CAMK1D: variants seen among roughly 807,000 people sequenced by gnomAD.
The protein encoded by CAMK1D is calcium/calmodulin-dependent protein kinase type 1D.
CAMK1D carries 9 observed loss-of-function variants against 47.7 expected under a neutral mutation model. The ratio of observed to expected loss-of-function variants is 0.19; its 90% CI spans 0.11 to 0.33. CAMK1D has a LOEUF of 0.33. Among genes scored for constraint, CAMK1D ranks in the 10% least tolerant of loss-of-function variants. The pLI, the probability that CAMK1D is intolerant of heterozygous loss-of-function variation, is 1.00. For synonymous variants in CAMK1D, 184 were observed against 184.9 expected (o/e 0.99, Z 0.04); for missense variants, 291 against 488.7 (o/e 0.60, Z 3.81).
chr10:12,382,303 A>G (rs1042638786), intron 1 of CAMK1D, among the ~76,000 whole-genome samples: 4 of 152,012 alleles, frequency 2.6e-5, no homozygotes, highest in Admixed American at 2.6e-4. Flanking sequence ...GACACCTTTT[A>G]TCTGTGTCAT....
At chr10:12,349,973 C>G in intron 1 of CAMK1D, 63 bp downstream of exon 1, 2 of 860,554 alleles carry the variant, frequency 2.3e-6, no homozygotes, top group Non-Finnish European at 3.3e-6. Flanking sequence ...CGGGCAGCTC[C>G]AGCTGCCGCC....
At chr10:12,516,549 G>C (rs1172013000) in intron 1 of CAMK1D, among the ~76,000 whole-genome samples, 2 of 152,198 alleles carry the variant, frequency 1.3e-5, no homozygotes, top group African/African-American at 4.8e-5. Flanking sequence ...ATTGAACCTT[G>C]TCAGAAATTG....
At chr10:12,505,305 GTT>G (rs1347784277) in intron 1 of CAMK1D, among the ~76,000 whole-genome samples, 1 of 152,218 alleles carries the variant, frequency 6.6e-6, no homozygotes, top group Non-Finnish European at 1.5e-5. Context: ...AGAGGAGCTT[GTT>G]GACCTCTTTT....
At chr10:12,712,061 A>G (rs192463557) in intron 3 of CAMK1D, among the ~76,000 whole-genome samples, 202 of 152,292 alleles carry the variant, frequency 1.3e-3, no homozygotes, top group Non-Finnish European at 2.2e-3. Context: ...TTGTTGATTG[A>G]TGCTTTTGAG....
chr10:12,390,133 T>G (rs1037680836), intron 1 of CAMK1D, among the ~76,000 whole-genome samples: 2 of 152,164 alleles, frequency 1.3e-5, no homozygotes, highest in Admixed American at 6.5e-5. Flanking sequence ...ATAAAGCGCT[T>G]GTACTGCACG....
At position 12,434,773 on chromosome 10, in the gene CAMK1D, C is replaced by G. The variant is rs769919696; in HGVS notation, c.92+84863C>G. Among the ~76,000 whole-genome samples the G allele has an allele frequency of 2.6e-5, 4 of 152,246 alleles. No individual in the cohort carries two copies. The East Asian group carries it at 7.7e-4, about 29-fold the overall frequency. ...ATGCTTCCCAATGCTGAGTGGTAGC[C>G]CGGTCACCTTGATCGCCTTCAGTCT... On this transcript the variant is annotated intron_variant, in intron 1 of 10. Coordinates refer to ENST00000619168, the MANE Select transcript of CAMK1D (RefSeq NM_153498.4).
At chr10:12,697,544 G>A (rs1398584176) in intron 3 of CAMK1D, among the ~76,000 whole-genome samples, 2 of 152,132 alleles carry the variant, frequency 1.3e-5, no homozygotes, top group Non-Finnish European at 2.9e-5. Context: ...GATTACAGGT[G>A]CCCACCGTCA....
chr10:12,462,391 C>G (rs988452455), intron 1 of CAMK1D, among the ~76,000 whole-genome samples: 8 of 151,754 alleles, frequency 5.3e-5, no homozygotes, highest in African/African-American at 1.9e-4. Flanking sequence ...GTCTCCATCT[C>G]TTGACCTTGT....
chr10:12,458,856 C>CTCCT (rs1214894951), intron 1 of CAMK1D, among the ~76,000 whole-genome samples: 9 of 149,102 alleles, frequency 6.0e-5, no homozygotes, highest in Admixed American at 1.4e-4. Context: ...TTCTTTCTTT[C>CTCCT]TCCTTCCTTC....
intron 6 of CAMK1D, among the ~76,000 whole-genome samples, chr10:12,806,788 C>T (rs972225469): frequency 6.6e-6 from 1 of 152,202 alleles, no homozygotes; most frequent in Non-Finnish European, 1.5e-5. Flanking sequence ...GCTGTTCTTA[C>T]CCAGCCAGCC....
intron 2 of CAMK1D, among the ~76,000 whole-genome samples, chr10:12,665,091 A>G (rs1000581369): frequency 2.0e-5 from 3 of 152,180 alleles, no homozygotes; most frequent in African/African-American, 4.8e-5. Context: ...GTTTATTTTC[A>G]TATGCTGTAT....
intron 6 of CAMK1D, among the ~76,000 whole-genome samples, chr10:12,804,111 G>A (rs1838609107): frequency 6.6e-6 from 1 of 152,130 alleles, no homozygotes; most frequent in South Asian, 2.1e-4. Flanking sequence ...TACAGTGGAT[G>A]CCATTGGCCA....
At chr10:12,543,181 G>A (rs530895499) in intron 1 of CAMK1D, among the ~76,000 whole-genome samples, 7 of 152,058 alleles carry the variant, frequency 4.6e-5, no homozygotes, top group East Asian at 1.9e-4. Flanking sequence ...CCGAGTTGCC[G>A]GGATTATAGG....
At chr10:12,767,843 C>T (rs940604873) in intron 4 of CAMK1D, among the ~76,000 whole-genome samples, 13 of 152,096 alleles carry the variant, frequency 8.5e-5, no homozygotes, top group Admixed American at 1.3e-4. Flanking sequence ...ATTTGTCTCC[C>T]GTGAGCAGAG....
chr10:12,560,733 A>G (rs1272321152), intron 2 of CAMK1D, among the ~76,000 whole-genome samples: 1 of 151,888 alleles, frequency 6.6e-6, no homozygotes, highest in East Asian at 1.9e-4. Flanking sequence ...AGGGTCTAAA[A>G]GAGAGAGAGC....
At chr10:12,820,021 G>T (rs908138553) in intron 8 of CAMK1D, among the ~76,000 whole-genome samples, 1 of 152,210 alleles carries the variant, frequency 6.6e-6, no homozygotes, top group African/African-American at 2.4e-5. Context: ...GGCAGGCTTG[G>T]AGGAGTGAGT....
At chr10:12,390,625 G>A (rs939434512) in intron 1 of CAMK1D, among the ~76,000 whole-genome samples, 6 of 152,160 alleles carry the variant, frequency 3.9e-5, no homozygotes, top group African/African-American at 1.4e-4. Context: ...GCAGGGCCAG[G>A]GCTAACCATG....
intron 1 of CAMK1D, among the ~76,000 whole-genome samples, chr10:12,350,721 T>G (rs1053333787): frequency 6.6e-6 from 1 of 152,208 alleles, no homozygotes; most frequent in African/African-American, 2.4e-5. Context: ...CTTGTTTGTT[T>G]TGTTTCGGAG....
chr10:12,470,769 C>T (rs1000833238), intron 1 of CAMK1D, among the ~76,000 whole-genome samples: 4 of 152,216 alleles, frequency 2.6e-5, no homozygotes, highest in East Asian at 1.9e-4. Flanking sequence ...CACCCACCTC[C>T]GGCTCCCAAA....
Sources: allele counts gnomAD v4.1 joint callset (sites outside exome capture counted in the v4.1 genomes callset), GRCh38; gene constraint gnomAD v4.1.1; transcripts MANE v1.5; gene names NCBI Gene and HGNC (gene_info 2026-07-23, HGNC 2026-07-21).